CHODL: variants seen among roughly 807,000 people sequenced by gnomAD.
CHODL encodes the protein transmembrane protein MT75.
CHODL carries 29 observed loss-of-function variants against 34.5 expected under a neutral mutation model. That is an observed-to-expected ratio of 0.84 (90% CI 0.63 to 1.15). CHODL has a LOEUF of 1.15. Ranked by LOEUF, CHODL falls within the 50% of genes most tolerant of loss-of-function variation. The pLI is 0.00. For missense variants in CHODL, 332 were observed against 332.5 expected (o/e 1.00, Z 0.01); for synonymous variants, 125 against 116.1 (o/e 1.08, Z -0.49).
chr21:18,207,494 T>C (rs1012259697), intron 2 of CHODL, among the ~76,000 whole-genome samples: 1 of 152,156 alleles, frequency 6.6e-6, no homozygotes, highest in Non-Finnish European at 1.5e-5. Flanking sequence ...AGTTTACATA[T>C]AACAATTACA....
At chr21:17,977,252 C>A (rs1391787706) in intron 1 of CHODL, among the ~76,000 whole-genome samples, 1 of 152,058 alleles carries the variant, frequency 6.6e-6, no homozygotes, top group Non-Finnish European at 1.5e-5. Flanking sequence ...TGCCATCTTG[C>A]CACTGTCAGA....
chr21:18,155,169 T>C (rs897281249), intron 2 of CHODL, among the ~76,000 whole-genome samples: 8 of 152,150 alleles, frequency 5.3e-5, no homozygotes, highest in African/African-American at 1.9e-4. Flanking sequence ...CCCATCATAA[T>C]TGGGAAACAA....
chr21:18,070,520 T>A (rs1750954718), intron 2 of CHODL, among the ~76,000 whole-genome samples: 1 of 152,166 alleles, frequency 6.6e-6, no homozygotes, highest in African/African-American at 2.4e-5. Flanking sequence ...TATTTCATAA[T>A]GGGCATTAAG....
intron 2 of CHODL, among the ~76,000 whole-genome samples, chr21:18,198,918 A>G (rs1393802250): frequency 6.6e-6 from 1 of 152,154 alleles, no homozygotes; most frequent in Non-Finnish European, 1.5e-5. Context: ...TCTTAAATAT[A>G]CAATATTATA....
intron 2 of CHODL, among the ~76,000 whole-genome samples, chr21:18,151,578 T>C (rs374043830): frequency 2.0e-5 from 3 of 152,222 alleles, no homozygotes; most frequent in African/African-American, 7.2e-5. Flanking sequence ...AAACGGGTCA[T>C]GAGAACTCCA....
chr21:17,988,923 A>G (rs202428), intron 1 of CHODL, among the ~76,000 whole-genome samples: 50,253 of 151,798 alleles, frequency 0.33, 8,906 homozygotes, highest in East Asian at 0.64. Flanking sequence ...CAGTAATGGG[A>G]TGGCTGGGTC....
chr21:18,129,881 T>G (rs1307487335), intron 2 of CHODL, among the ~76,000 whole-genome samples: 1 of 128,114 alleles, frequency 7.8e-6, no homozygotes. Context: ...ATTCTCTCTC[T>G]CTGTCTTTCT....
chr21:18,182,572 T>C (rs1270883738), intron 2 of CHODL, among the ~76,000 whole-genome samples: 1 of 152,224 alleles, frequency 6.6e-6, no homozygotes, highest in African/African-American at 2.4e-5. Context: ...TAATTTTCTG[T>C]TTAAAACACA....
chr21:18,258,262 T>C (rs1341166269), intron 3 of CHODL, among the ~76,000 whole-genome samples: 3 of 152,276 alleles, frequency 2.0e-5, no homozygotes, highest in African/African-American at 7.2e-5. Flanking sequence ...TGGAAGTCTT[T>C]GCAAAGCTGA....
intron 2 of CHODL, among the ~76,000 whole-genome samples, chr21:18,206,863 CATTATT>C (rs138294885): frequency 0.57 from 83,266 of 145,816 alleles, 25,449 homozygotes; most frequent in East Asian, 0.89. Context: ...TCTTATAACC[CATTATT>C]ATTATTATTA....
chr21:18,173,695 T>C lies in CHODL; in HGVS notation c.-44-82814T>C, dbSNP rs77377228. Among the ~76,000 whole-genome samples, 941 of 152,198 alleles carry C rather than the reference T, an allele frequency of 6.2e-3. 7 individuals carry two copies. Among genetic ancestry groups the C allele is most frequent in the African/African-American group, 0.022 (902 of 41,516 alleles). ...TAATCAAAAGTCTATGCTATCTACA[T>C]TGGTCTTCTTCCAATGTAAATATAT... On this transcript the variant is annotated intron_variant, in intron 2 of 6. Transcript: ENST00000400127.
Position 18,131,469 on chromosome 21 carries a change from A to G in CHODL, c.-45+103498A>G, listed in dbSNP as rs892052109. On this transcript the variant is annotated intron_variant, in intron 2 of 6. Transcript: ENST00000400127. ...TACGAACATTTTGTTTAATGTAACA[A>G]TAAATTAGAATGTTGAAAGTTGACT... Among the ~76,000 whole-genome samples the G allele has an allele frequency of 1.3e-5, 2 of 152,224 alleles. 1 individual carries two copies. Among genetic ancestry groups the G allele is most frequent in the South Asian group, 4.1e-4 (2 of 4,832 alleles).
At chr21:18,031,191 C>A (rs1410233012) in intron 2 of CHODL, among the ~76,000 whole-genome samples, 1 of 152,110 alleles carries the variant, frequency 6.6e-6, no homozygotes, top group African/African-American at 2.4e-5. Context: ...CTCCACTGAA[C>A]TTCTCATGGC....
chr21:18,109,585 G>C (rs1011505271), intron 2 of CHODL, among the ~76,000 whole-genome samples: 1 of 152,048 alleles, frequency 6.6e-6, no homozygotes, highest in African/African-American at 2.4e-5. Context: ...CCTGTCTGCT[G>C]TTTTACCTCT....
chr21:17,974,651 T>C (rs1185767421), intron 1 of CHODL, among the ~76,000 whole-genome samples: 1 of 152,160 alleles, frequency 6.6e-6, no homozygotes, highest in East Asian at 1.9e-4. Context: ...GAAAAAATAC[T>C]TTTTGATAAA....
chr21:18,123,969 G>T (rs2065511744), intron 2 of CHODL, among the ~76,000 whole-genome samples: 1 of 152,092 alleles, frequency 6.6e-6, no homozygotes, highest in African/African-American at 2.4e-5. Context: ...GATCATCTGA[G>T]GTCAGGAGTT....
In CHODL at chr21:18,266,168, C is replaced by T; in HGVS notation, c.*130C>T. The T allele has an allele frequency of 1.3e-6, 2 of 1,561,474 alleles. No homozygotes were observed. The highest frequency in any genetic ancestry group is 1.7e-6 in the Non-Finnish European group (2 of 1,151,290). ...ATGAACTGTAAGCTCCCCCTTGAGG[C>T]AAATATTAAAGTAATTTTTATATGT... is the stretch of plus-strand genomic sequence containing the variant. On this transcript the variant is annotated 3_prime_UTR_variant, in exon 6 of 6. Transcript: ENST00000299295.
At chr21:17,974,082 T>C (rs2063641814) in intron 1 of CHODL, among the ~76,000 whole-genome samples, 1 of 152,182 alleles carries the variant, frequency 6.6e-6, no homozygotes, top group East Asian at 1.9e-4. Context: ...CTATTTTCAC[T>C]TCTCATTCTG....
At position 17,980,178 on chromosome 21, in the gene CHODL, G is replaced by A. The variant is rs368334719; in HGVS notation, c.-144-47694G>A. 3.3e-5 allele frequency among the ~76,000 whole-genome samples: 5 copies of A among 151,316 alleles called. No homozygotes were observed. The East Asian group carries it at 9.7e-4, about 29-fold the overall frequency. ...TGCCTGAGAAAAAATGTGGAAGACA[G>A]CTGTTTTAATGTTGAAATGGATCCA... is the stretch of plus-strand genomic sequence containing the variant. On this transcript the variant is annotated intron_variant, in intron 1 of 6. Coordinates refer to the CHODL transcript ENST00000400127.
Sources: allele counts gnomAD v4.1 joint callset (sites outside exome capture counted in the v4.1 genomes callset), GRCh38; gene constraint gnomAD v4.1.1; transcripts MANE v1.5; gene names NCBI Gene and HGNC (gene_info 2026-07-23, HGNC 2026-07-21).